SPAG16: variants seen among roughly 807,000 people sequenced by gnomAD.
SPAG16 encodes sperm-associated antigen 16 protein.
In SPAG16, 86 loss-of-function variants were observed where a neutral mutation model predicts 80.4. The observed-to-expected ratio is 1.07, with a 90% CI of 0.90 to 1.28. The LOEUF (loss-of-function observed/expected upper bound fraction) is 1.28. Ranked by LOEUF, SPAG16 falls within the 50% of genes most tolerant of loss-of-function variation. The probability of loss-of-function intolerance (pLI) is 0.00; values close to 1 mark genes in which losing one functional copy is unlikely to be tolerated. For missense variants in SPAG16, 870 were observed against 765.3 expected (o/e 1.14, Z -1.61); for synonymous variants, 294 against 265.9 (o/e 1.11, Z -1.03).
At chr2:213,858,252 A>T (rs1272386861) in intron 10 of SPAG16, among the ~76,000 whole-genome samples, 2 of 152,172 alleles carry the variant, frequency 1.3e-5, no homozygotes, top group Non-Finnish European at 2.9e-5. Context: ...TGCCACAGAG[A>T]AATCTTTTTG....
intron 10 of SPAG16, among the ~76,000 whole-genome samples, chr2:213,615,324 G>T (rs1030790088): frequency 1.3e-5 from 2 of 152,242 alleles, no homozygotes; most frequent in Non-Finnish European, 2.9e-5. Flanking sequence ...TGGGTACGGT[G>T]GCTCACGCCT....
chr2:214,252,384 T>C (rs532120628), intron 15 of SPAG16, among the ~76,000 whole-genome samples: 9 of 152,066 alleles, frequency 5.9e-5, no homozygotes, highest in Non-Finnish European at 1.0e-4. Context: ...CCATGGTGGT[T>C]TGCTGCACCC....
intron 12 of SPAG16, among the ~76,000 whole-genome samples, chr2:213,971,871 G>GT (rs1416640577): frequency 2.1e-5 from 3 of 145,358 alleles, no homozygotes; most frequent in Non-Finnish European, 3.0e-5. Flanking sequence ...CTATTTTCTT[G>GT]TTTTTTGGTT....
intron 10 of SPAG16, among the ~76,000 whole-genome samples, chr2:213,846,848 G>T (rs756436005): frequency 5.3e-5 from 8 of 152,080 alleles, no homozygotes; most frequent in Non-Finnish European, 7.3e-5. Context: ...CAGGCTCAAT[G>T]GCTTCTGCTG....
intron 12 of SPAG16, among the ~76,000 whole-genome samples, chr2:213,947,972 C>A (rs1369795163): frequency 6.6e-6 from 1 of 152,080 alleles, no homozygotes; most frequent in Non-Finnish European, 1.5e-5. Flanking sequence ...CTAAAAATTA[C>A]TTTAACCTGA....
chr2:214,271,735 G>C (rs1692026774), intron 15 of SPAG16, among the ~76,000 whole-genome samples: 1 of 151,908 alleles, frequency 6.6e-6, no homozygotes, highest in Non-Finnish European at 1.5e-5. Flanking sequence ...GGGAGGCGGA[G>C]ATTGCAGTGA....
chr2:213,952,185 C>T (rs1015446933), intron 12 of SPAG16, among the ~76,000 whole-genome samples: 5 of 151,494 alleles, frequency 3.3e-5, no homozygotes, highest in Admixed American at 1.3e-4. Flanking sequence ...AAAAATGCAT[C>T]GAAAACAAAT....
intron 10 of SPAG16, among the ~76,000 whole-genome samples, chr2:213,599,658 T>C (rs1356117526): frequency 3.3e-5 from 5 of 152,202 alleles, no homozygotes; most frequent in East Asian, 1.9e-4. Context: ...TAAGGCTTCT[T>C]GTCCGCAAGA....
intron 11 of SPAG16, among the ~76,000 whole-genome samples, chr2:213,909,414 G>A (rs562366376): frequency 1.7e-4 from 26 of 152,088 alleles, no homozygotes; most frequent in Admixed American, 8.5e-4. Context: ...AGCCCGCATC[G>A]CCAAGTCAAT....
At chr2:214,093,546 T>C (rs1230537110) in intron 13 of SPAG16, among the ~76,000 whole-genome samples, 2 of 152,034 alleles carry the variant, frequency 1.3e-5, no homozygotes, top group East Asian at 3.9e-4. Context: ...TCCATGTATG[T>C]GTATGTATCT....
intron 15 of SPAG16, among the ~76,000 whole-genome samples, chr2:214,165,679 A>G (rs1378122579): frequency 6.6e-6 from 1 of 150,856 alleles, no homozygotes; most frequent in Non-Finnish European, 1.5e-5. Context: ...GCTACTTATA[A>G]GAAAGACTTG....
At chr2:213,794,587 T>A (rs187755782) in intron 10 of SPAG16, among the ~76,000 whole-genome samples, 2 of 152,244 alleles carry the variant, frequency 1.3e-5, no homozygotes, top group Admixed American at 1.3e-4. Flanking sequence ...GATATTGAGA[T>A]GGGGACAAAA....
At chr2:213,511,368 C>T (rs2075219308) in intron 10 of SPAG16, among the ~76,000 whole-genome samples, 1 of 151,950 alleles carries the variant, frequency 6.6e-6, no homozygotes, top group Non-Finnish European at 1.5e-5. Context: ...AAAATACCAT[C>T]GTTTCGAGAT....
chr2:214,255,630 A>C (rs929692361), intron 15 of SPAG16, among the ~76,000 whole-genome samples: 1 of 151,888 alleles, frequency 6.6e-6, no homozygotes, highest in Non-Finnish European at 1.5e-5. Flanking sequence ...TTGTCCCAGA[A>C]AATTGTTCTC....
chr2:213,973,686 C>T (rs980291709), intron 12 of SPAG16, among the ~76,000 whole-genome samples: 1 of 149,162 alleles, frequency 6.7e-6, no homozygotes, highest in Non-Finnish European at 1.5e-5. Flanking sequence ...ATACTTTTGA[C>T]TGTTTCTGGA....
At chr2:214,337,599 A>G (rs902477670) in intron 15 of SPAG16, among the ~76,000 whole-genome samples, 14 of 152,316 alleles carry the variant, frequency 9.2e-5, no homozygotes, top group Admixed American at 3.3e-4. Context: ...GGAGAGAACA[A>G]TAAAACCAAC....
intron 15 of SPAG16, among the ~76,000 whole-genome samples, chr2:214,377,463 G>T (rs1275279441): frequency 1.3e-5 from 2 of 152,114 alleles, no homozygotes; most frequent in African/African-American, 4.8e-5. Context: ...TGAATTTGTG[G>T]TATTGATAAA....
At chr2:213,741,308 G>A (rs1380181431) in intron 10 of SPAG16, among the ~76,000 whole-genome samples, 1 of 152,022 alleles carries the variant, frequency 6.6e-6, no homozygotes, top group Non-Finnish European at 1.5e-5. Flanking sequence ...AGGAAGTTAA[G>A]GACAGACAGA....
chr2:214,014,873 T>C (rs2047506061), intron 13 of SPAG16, among the ~76,000 whole-genome samples: 1 of 152,100 alleles, frequency 6.6e-6, no homozygotes, highest in Non-Finnish European at 1.5e-5. Context: ...AAATTCCTCA[T>C]AAGGGGTTAC....
Sources: allele counts gnomAD v4.1 joint callset (sites outside exome capture counted in the v4.1 genomes callset), GRCh38; gene constraint gnomAD v4.1.1; transcripts MANE v1.5; gene names NCBI Gene and HGNC (gene_info 2026-07-23, HGNC 2026-07-21).